The following RUVBL1 variants were observed in gnomAD, a reference collection of about 807,000 sequenced individuals.
The protein encoded by RUVBL1 is RuvB like AAA ATPase 1, also known as ruvB-like 1.
RUVBL1 carries 4 observed loss-of-function variants against 52.4 expected under a neutral mutation model. The observed-to-expected ratio is 0.08, with a 90% CI of 0.04 to 0.17. The LOEUF is 0.17. Among genes scored for constraint, RUVBL1 ranks in the 10% least tolerant of loss-of-function variants. The pLI, the probability that RUVBL1 is intolerant of heterozygous loss-of-function variation, is 1.00. For synonymous variants in RUVBL1, 217 were observed against 214.4 expected (o/e 1.01, Z -0.10); for missense variants, 298 against 572.8 (o/e 0.52, Z 4.90).
downstream of RUVBL1, among the ~76,000 whole-genome samples, chr3:128,078,415 C>T (rs1438101245): frequency 6.6e-6 from 1 of 152,292 alleles, no homozygotes; most frequent in Non-Finnish European, 1.5e-5. Context: ...GCCAGGGACG[C>T]GTCTTTCAAG....
intron 7 of RUVBL1, among the ~76,000 whole-genome samples, chr3:128,098,677 T>C (rs1482033360): frequency 1.3e-5 from 2 of 152,164 alleles, no homozygotes; most frequent in African/African-American, 4.8e-5. Context: ...GTGACTGCAG[T>C]GGGGCAGATA....
intron 2 of RUVBL1, among the ~76,000 whole-genome samples, chr3:128,115,145 GAC>G (rs879729682): frequency 4.6e-5 from 7 of 152,076 alleles, no homozygotes; most frequent in Non-Finnish European, 1.0e-4. Context: ...ACTAGCCTAT[GAC>G]CTTGATCATC....
chr3:128,127,975 C>T (rs1331676900), upstream of RUVBL1, among the ~76,000 whole-genome samples: 5 of 151,974 alleles, frequency 3.3e-5, no homozygotes, highest in South Asian at 2.1e-4. Context: ...CCAGCCTGGG[C>T]GACAGAGTGA....
At chr3:128,143,371 TTA>T (rs1944059831) in intron 1 of RUVBL1, among the ~76,000 whole-genome samples, 1 of 151,116 alleles carries the variant, frequency 6.6e-6, no homozygotes, top group African/African-American at 2.4e-5. Context: ...CGAGGTTTCA[TTA>T]TGTTGGTCAG....
intron 8 of RUVBL1, among the ~76,000 whole-genome samples, chr3:128,095,651 GA>G (rs1376414046): frequency 1.3e-5 from 2 of 152,228 alleles, no homozygotes; most frequent in African/African-American, 4.8e-5. Context: ...GCCTGAGGGG[GA>G]AGGGCTGTTG....
chr3:128,126,736 T>C (rs1448091535), upstream of RUVBL1, among the ~76,000 whole-genome samples: 3 of 152,252 alleles, frequency 2.0e-5, no homozygotes, highest in Middle Eastern at 3.4e-3. Flanking sequence ...CAGAAAACAA[T>C]GTGGCAGGCC....
chr3:128,077,110 C>G (rs893200462), downstream of RUVBL1, among the ~76,000 whole-genome samples: 1 of 151,846 alleles, frequency 6.6e-6, no homozygotes, highest in African/African-American at 2.4e-5. Flanking sequence ...CGGGCCGGGC[C>G]GGCCTGACAG....
chr3:128,143,746 C>T (rs959623137), intron 1 of RUVBL1, among the ~76,000 whole-genome samples: 5 of 152,132 alleles, frequency 3.3e-5, no homozygotes, highest in African/African-American at 1.2e-4. Context: ...CCAGTCACTG[C>T]GGCCAGCAGG....
intron 1 of RUVBL1, among the ~76,000 whole-genome samples, chr3:128,152,653 G>C (rs144612625): frequency 3.9e-4 from 60 of 152,258 alleles, no homozygotes; most frequent in Middle Eastern, 3.4e-3. Flanking sequence ...TGAATGATTG[G>C]AAGTGTGTCC....
At chr3:128,153,222 T>C in exon 1 of RUVBL1, 1 of 1,323,238 alleles carries the variant, frequency 7.6e-7, no homozygotes, top group Non-Finnish European at 9.6e-7. Context: ...CCAAATGGCT[T>C]CACTTCTCAG....
At chr3:128,123,420 G>A (rs1383150872) in intron 1 of RUVBL1, among the ~76,000 whole-genome samples, 164 bp downstream of exon 1, 3 of 152,130 alleles carry the variant, frequency 2.0e-5, no homozygotes, top group African/African-American at 7.2e-5. Flanking sequence ...CCAGCTCCAG[G>A]GCGGCGCCCC....
At position 128,067,338 on chromosome 3, in the gene RUVBL1, T is replaced by C; in HGVS notation, c.940-2118A>G. 1 of 1,448,588 alleles carries C rather than the reference T, an allele frequency of 6.9e-7. No individual in the cohort carries two copies. The allele number at this position is 1,448,588 out of a possible 1,614,324, so 89.7% of individuals were successfully genotyped here. A position where few individuals can be genotyped will look rare whatever the true frequency, so the allele number is the denominator to read the frequency against. On this transcript the variant is annotated intron_variant, in intron 9 of 9. Coordinates refer to the RUVBL1 transcript ENST00000464873. This position sits in a 1 kb window ranked among gnomAD's most constrained non-coding sequence, Gnocchi z 4.1. ...TGGGCACCGAGTAAAATTGCATTCT[T>C]TCATCTGCTCAGAACTATTTTTGCC...
intron 5 of RUVBL1, 28 bp downstream of exon 5, chr3:128,101,531 C>T: frequency 6.2e-7 from 1 of 1,601,004 alleles, no homozygotes; most frequent in East Asian, 2.2e-5. Context: ...AAATCAGGGA[C>T]AATGCTGTGT....
chr3:128,067,021 A>G lies in RUVBL1; in HGVS notation c.940-1801T>C. ...GGCCAGTACAACACCTATCCCATCAAGCTCTTCTATACGTCCAACATCCCC... is the reference window on the plus strand; with the variant it reads ...GGCCAGTACAACACCTATCCCATCAGGCTCTTCTATACGTCCAACATCCCC... On this transcript the variant is annotated intron_variant, in intron 9 of 9. Transcript: ENST00000464873. This position sits in a 1 kb window ranked among gnomAD's most constrained non-coding sequence, Gnocchi z 4.1. 2 of 1,614,178 alleles carry G rather than the reference A, an allele frequency of 1.2e-6. No individual in the cohort carries two copies. Among genetic ancestry groups the G allele is most frequent in the South Asian group, 1.1e-5 (1 of 91,080 alleles).
Position 128,081,523 on chromosome 3 carries a change from G to T in RUVBL1, c.1212-114C>A. 1 of 1,079,174 alleles carries T rather than the reference G, an allele frequency of 9.3e-7. No homozygotes were observed. The highest frequency in any genetic ancestry group is 1.3e-6 in the Non-Finnish European group (1 of 755,920). 66.8% of individuals were successfully genotyped at this position (1,079,174 alleles called of 1,614,324 possible). A position where few individuals can be genotyped will look rare whatever the true frequency, so the allele number is the denominator to read the frequency against. On this transcript the variant is annotated intron_variant, in intron 10 of 10. Transcript: ENST00000322623. The surrounding 1 kb of genome is among the most constrained non-coding windows in gnomAD (Gnocchi z 4.8). The stretch of plus-strand genomic sequence containing the variant: ...AGGAGCAGAGCCCAGTGCTGGGCTT[G>T]TGCCAGCTGCTACGAACACAGAAAA...
chr3:128,149,190 T>TTTC (rs1944148247), intron 1 of RUVBL1, among the ~76,000 whole-genome samples: 1 of 72,976 alleles, frequency 1.4e-5, no homozygotes, highest in African/African-American at 5.3e-5. Context: ...TCTTTCTTTC[T>TTTC]TTTTTTTTTT....
chr3:128,147,244 G>GT (rs1221411555), intron 1 of RUVBL1, among the ~76,000 whole-genome samples: 3 of 151,996 alleles, frequency 2.0e-5, no homozygotes, highest in Non-Finnish European at 4.4e-5. Flanking sequence ...TAATTTTTGT[G>GT]TTTTTTGTAG....
In RUVBL1 at chr3:128,098,738, G is replaced by C. The variant is rs1187668721; in HGVS notation, c.817+144C>G. On this transcript the variant is annotated intron_variant, in intron 7 of 10. Coordinates refer to ENST00000322623, the MANE Select transcript of RUVBL1 (RefSeq NM_003707.3). ...TAAATGCCGCCAGAAACTTAGGCTAGAGTCAAGCTCTAAGCTATGAGGAAG... is the reference window on the plus strand; with the variant it reads ...TAAATGCCGCCAGAAACTTAGGCTACAGTCAAGCTCTAAGCTATGAGGAAG... The C allele has an allele frequency of 4.3e-6, 3 of 693,764 alleles. No homozygotes were observed. In the Admixed American group the frequency reaches 6.8e-5, roughly 16 times the overall value. The allele number at this position is 693,764 out of a possible 1,614,324, so 43.0% of individuals were successfully genotyped here.
At chr3:128,143,747 G>A (rs948798254) in intron 1 of RUVBL1, among the ~76,000 whole-genome samples, 5 of 152,120 alleles carry the variant, frequency 3.3e-5, no homozygotes, top group Non-Finnish European at 5.9e-5. Context: ...CAGTCACTGC[G>A]GCCAGCAGGA....
Sources: allele counts gnomAD v4.1 joint callset (sites outside exome capture counted in the v4.1 genomes callset), GRCh38; gene constraint gnomAD v4.1.1; non-coding constraint Gnocchi (gnomAD v3.1); transcripts MANE v1.5; gene names NCBI Gene and HGNC (gene_info 2026-07-23, HGNC 2026-07-21).